The following MYEF2 variants were observed in gnomAD, a reference collection of about 807,000 sequenced individuals.
MYEF2 encodes the protein myelin gene expression factor 2.
MYEF2 carries 37 observed loss-of-function variants against 75.2 expected under a neutral mutation model. That is an observed-to-expected ratio of 0.49 (90% CI 0.38 to 0.65). MYEF2 has a LOEUF of 0.65. MYEF2 is among the 30% of genes least tolerant of loss of function. The pLI, the probability that MYEF2 is intolerant of heterozygous loss-of-function variation, is 0.00. For synonymous variants in MYEF2, 195 were observed against 241.6 expected, an observed-to-expected ratio of 0.81 and a Z score of 1.79; for missense variants, 634 against 771.4, an observed-to-expected ratio of 0.82 and a Z score of 2.11.
intron 1 of MYEF2, among the ~76,000 whole-genome samples, chr15:48,171,272 T>C (rs922326090): frequency 6.6e-6 from 1 of 152,222 alleles, no homozygotes; most frequent in African/African-American, 2.4e-5. Context: ...CAGATATCTA[T>C]ATAGTCTCTA....
At chr15:48,167,274 G>C in intron 3 of MYEF2, 75 bp downstream of exon 3, 1 of 1,439,556 alleles carries the variant, frequency 6.9e-7, no homozygotes, top group Non-Finnish European at 9.7e-7. Context: ...CCAAAAACTG[G>C]TACAAGTATT....
At position 48,141,484 on chromosome 15, in the gene MYEF2, G is replaced by A. The variant is rs1000404281; in HGVS notation, c.*1424C>T. The A allele has an allele frequency of 8.4e-6, 2 of 238,932 alleles. No homozygotes were observed. Among genetic ancestry groups the A allele is most frequent in the Admixed American group, 5.1e-5 (1 of 19,432 alleles). 14.8% of individuals were successfully genotyped at this position (238,932 alleles called of 1,614,324 possible). On this transcript the variant is annotated 3_prime_UTR_variant, in exon 17 of 17. Coordinates refer to ENST00000324324, the MANE Select transcript of MYEF2 (RefSeq NM_016132.5). ...CCCAGCTACTCAGGAGGCTGAGGCA[G>A]GAGAATTGTTTGAATCCAGGAGGCG...
At chr15:48,171,391 T>A (rs547062184) in intron 1 of MYEF2, among the ~76,000 whole-genome samples, 5 of 152,312 alleles carry the variant, frequency 3.3e-5, no homozygotes, top group African/African-American at 1.2e-4. Context: ...TAGGTGGGGT[T>A]ACATAGATTA....
At chr15:48,146,162 CAG>C (rs1168218866) in intron 16 of MYEF2, among the ~76,000 whole-genome samples, 1 of 151,922 alleles carries the variant, frequency 6.6e-6, no homozygotes, top group Admixed American at 6.6e-5. Context: ...CTAAAGTATA[CAG>C]ATGACATGGG....
At chr15:48,144,736 G>A (rs1006321012) in intron 16 of MYEF2, among the ~76,000 whole-genome samples, 1 of 151,550 alleles carries the variant, frequency 6.6e-6, no homozygotes, top group Admixed American at 6.6e-5. Context: ...TTGAATGCTG[G>A]TACCTGAAAA....
rs761632449 is a variant in MYEF2, at chr15:48,141,161, C to T, written c.*1747G>A. 1 of 1,613,854 alleles carries T rather than the reference C, an allele frequency of 6.2e-7. No homozygotes were observed. The highest frequency in any genetic ancestry group is 8.5e-7 in the Non-Finnish European group (1 of 1,179,828). ...ACAGTAATGGGCCTTACTTTATTAG[C>T]AGCAGGAACAAGCATACCAGACACA... is the stretch of plus-strand genomic sequence containing the variant. On this transcript the variant is annotated 3_prime_UTR_variant, in exon 17 of 17. Coordinates refer to ENST00000324324, the MANE Select transcript of MYEF2 (RefSeq NM_016132.5).
chr15:48,134,663 AAAC>A lies in MYEF2; in HGVS notation c.*8242_*8244del. 3.9e-6 allele frequency: 3 copies of A among 760,016 alleles called. No homozygotes were observed. Among genetic ancestry groups the A allele is most frequent in the Admixed American group, 2.7e-5 (1 of 36,762 alleles). The allele number at this position is 760,016 out of a possible 1,614,324, so 47.1% of individuals were successfully genotyped here. Reference sequence around the variant, plus strand: ...CAATCAAATTTATTAATCAGTAGAAAAACAACATGTATTCAATTTAATGTTAAT... The same window carrying A: ...CAATCAAATTTATTAATCAGTAGAAAAACATGTATTCAATTTAATGTTAAT... On this transcript the variant is annotated 3_prime_UTR_variant, in exon 17 of 17. Coordinates refer to ENST00000324324, the MANE Select transcript of MYEF2 (RefSeq NM_016132.5).
chr15:48,177,714 T>C (rs1176575126), intron 1 of MYEF2, among the ~76,000 whole-genome samples: 2 of 152,238 alleles, frequency 1.3e-5, no homozygotes, highest in Admixed American at 1.3e-4. Context: ...GAACACTAAC[T>C]ACTGGTCCTT....
In MYEF2 at chr15:48,139,331, A is replaced by G. The variant is rs1249236907; in HGVS notation, c.*3577T>C. 5.3e-6 allele frequency: 3 copies of G among 570,586 alleles called. No individual in the cohort carries two copies. The highest frequency in any genetic ancestry group is 9.2e-6 in the Non-Finnish European group (3 of 326,190). 35.3% of individuals were successfully genotyped at this position (570,586 alleles called of 1,614,324 possible). On this transcript the variant is annotated 3_prime_UTR_variant, in exon 17 of 17. Coordinates refer to ENST00000324324, the MANE Select transcript of MYEF2 (RefSeq NM_016132.5). ...AAAATGATTAAGTATTACTATAACA[A>G]GATCACTGGAGTTTGTGAGTTGCAT...
Position 48,168,725 on chromosome 15 carries a change from T to C in MYEF2, c.276A>G (p.Gly92=), listed in dbSNP as rs1183685339. The C allele has an allele frequency of 1.9e-6, 3 of 1,613,840 alleles. No individual in the cohort carries two copies. The highest frequency in any genetic ancestry group is 1.3e-5 in the African/African-American group (1 of 75,046). ...PYSKDKNSGA[G]EKKGPNRNRV... Reference sequence around the variant, plus strand: ...TGTTACGATTTGGACCCTTCTTTTCTCCAGCGCCCGAATTCTTGTCTTTTG... The same window carrying C: ...TGTTACGATTTGGACCCTTCTTTTCCCCAGCGCCCGAATTCTTGTCTTTTG... Residue 92 remains glycine, a synonymous_variant, in exon 2 of 17, where the codon GGA becomes GGG. Transcript: ENST00000324324.
intron 10 of MYEF2, 163 bp from the exon 11 acceptor site, chr15:48,152,447 C>CACTTT: frequency 3.5e-6 from 2 of 565,432 alleles, no homozygotes; most frequent in Non-Finnish European, 6.2e-6. Flanking sequence ...TATGCCATAG[C>CACTTT]AGCTGTCTAA....
chr15:48,142,011 T>C lies in MYEF2; in HGVS notation c.*897A>G, dbSNP rs1334960174. 6.4e-7 allele frequency: 1 copy of C among 1,571,288 alleles called. No individual in the cohort carries two copies. The highest frequency in any genetic ancestry group is 8.7e-7 in the Non-Finnish European group (1 of 1,150,964). On this transcript the variant is annotated 3_prime_UTR_variant, in exon 17 of 17. Coordinates refer to ENST00000324324, the MANE Select transcript of MYEF2 (RefSeq NM_016132.5). The stretch of plus-strand genomic sequence containing the variant: ...AGTATTGGTAAGCACATTTTAACAG[T>C]ATGCTTTTCTTTTGTAGGGAAAGGA...
rs2040622457 is a variant in MYEF2, at chr15:48,178,069, G to A, written c.161+8C>T. On this transcript the variant is annotated splice_region_variant and intron_variant, in intron 1 of 16. Transcript: ENST00000324324. ...CCTCGCCCCGGTTCCCGGAGGAAAA[G>A]ACAATACATTTTAACGCCATTGGAG... The A allele has an allele frequency of 1.9e-6, 3 of 1,595,914 alleles. No homozygotes were observed. Among genetic ancestry groups the A allele is most frequent in the Non-Finnish European group, 2.6e-6 (3 of 1,171,556 alleles).
chr15:48,141,267 G>A lies in MYEF2; in HGVS notation c.*1641C>T, dbSNP rs1235454517. On this transcript the variant is annotated 3_prime_UTR_variant, in exon 17 of 17. Transcript: ENST00000324324. ...TGGTCATTCTACAAGGCTAGAATGAGTAAAAGTAGCTTTAAAAATGTTTAC... is the reference window on the plus strand; with the variant it reads ...TGGTCATTCTACAAGGCTAGAATGAATAAAAGTAGCTTTAAAAATGTTTAC... The A allele has an allele frequency of 2.2e-6, 3 of 1,385,094 alleles. No individual in the cohort carries two copies. Among genetic ancestry groups the A allele is most frequent in the East Asian group, 2.3e-5 (1 of 43,516 alleles). 85.8% of individuals were successfully genotyped at this position (1,385,094 alleles called of 1,614,324 possible). A position where few individuals can be genotyped will look rare whatever the true frequency, so the allele number is the denominator to read the frequency against.
chr15:48,175,877 A>G (rs2040500106), intron 1 of MYEF2, among the ~76,000 whole-genome samples: 1 of 152,164 alleles, frequency 6.6e-6, no homozygotes, highest in Admixed American at 6.5e-5. Context: ...TCTTTTCTAA[A>G]GGTGTGAATA....
intron 16 of MYEF2, among the ~76,000 whole-genome samples, chr15:48,146,195 C>A (rs969992781): frequency 2.0e-5 from 3 of 151,898 alleles, no homozygotes; most frequent in Non-Finnish European, 2.9e-5. Flanking sequence ...AAAGACTATG[C>A]CCATTTGACC....
chr15:48,160,486 TACACACACAC>T (rs372090273), intron 5 of MYEF2, among the ~76,000 whole-genome samples: 8 of 139,306 alleles, frequency 5.7e-5, no homozygotes, highest in Admixed American at 1.4e-4. Flanking sequence ...AAACCAAACA[TACACACACAC>T]ACACACACAC....
At chr15:48,175,067 G>A (rs930619033) in intron 1 of MYEF2, among the ~76,000 whole-genome samples, 2 of 152,008 alleles carry the variant, frequency 1.3e-5, no homozygotes, top group Non-Finnish European at 2.9e-5. Context: ...ATGATTAAAG[G>A]AAACATGATA....
At chr15:48,151,789 A>T in intron 12 of MYEF2, 85 bp downstream of exon 12, 1 of 1,483,400 alleles carries the variant, frequency 6.7e-7, no homozygotes, top group Non-Finnish European at 9.4e-7. Flanking sequence ...CATTTTTAGC[A>T]CACATTCCTA....
Sources: gnomAD v4.1 joint callset for allele counts (sites outside exome capture counted in the v4.1 genomes callset) on GRCh38, gnomAD v4.1.1 for gene constraint, MANE v1.5 for transcripts, NCBI Gene and HGNC (gene_info 2026-07-23, HGNC 2026-07-21) for gene names.